Variants in NPAS3 observed in about 807,000 individuals in gnomAD.
NPAS3 encodes neuronal PAS domain protein 3, also known as neuronal PAS domain-containing protein 3.
Under a neutral mutation model 73.1 loss-of-function variants are expected in NPAS3, and 14 were observed. The observed-to-expected ratio is 0.19, with a 90% CI of 0.13 to 0.30. The LOEUF (loss-of-function observed/expected upper bound fraction) is 0.30, where lower values mean the gene tolerates loss of function less well. Ranked by LOEUF, NPAS3 falls within the 10% of genes least tolerant of loss-of-function variation. NPAS3 has a pLI of 1.00. For synonymous variants in NPAS3, 620 were observed against 541.5 expected (o/e 1.14, Z -2.01); for missense variants, 1,096 against 1,250.0 (o/e 0.88, Z 1.86).
chr14:33,552,080 C>T (rs2055142855), intron 4 of NPAS3, among the ~76,000 whole-genome samples: 1 of 152,196 alleles, frequency 6.6e-6, no homozygotes, highest in South Asian at 2.1e-4. Context: ...TTGTCTCACT[C>T]CCCTTTGTGA....
intron 4 of NPAS3, among the ~76,000 whole-genome samples, chr14:33,501,410 C>A (rs898300196): frequency 1.3e-5 from 2 of 151,812 alleles, no homozygotes; most frequent in Non-Finnish European, 2.9e-5. Context: ...ATCTGTTATT[C>A]TCCTTAATGT....
chr14:33,336,317 G>A (rs1343766723), intron 3 of NPAS3, among the ~76,000 whole-genome samples: 1 of 152,162 alleles, frequency 6.6e-6, no homozygotes, highest in African/African-American at 2.4e-5. Context: ...GCATGGGACT[G>A]CAGTCTCATT....
At chr14:33,417,546 T>C (rs567701417) in intron 4 of NPAS3, among the ~76,000 whole-genome samples, 1 of 152,180 alleles carries the variant, frequency 6.6e-6, no homozygotes, top group African/African-American at 2.4e-5. Context: ...AGAAGAAAGA[T>C]ATGTTTGGAT....
intron 3 of NPAS3, among the ~76,000 whole-genome samples, chr14:33,243,665 G>A (rs955301226): frequency 6.6e-6 from 1 of 151,976 alleles, no homozygotes; most frequent in Admixed American, 6.6e-5. Flanking sequence ...GGGAAAGCTA[G>A]CACAGAACAT....
intron 4 of NPAS3, among the ~76,000 whole-genome samples, chr14:33,402,928 G>A (rs1052290794): frequency 1.8e-4 from 27 of 152,132 alleles, no homozygotes; most frequent in Admixed American, 1.4e-3. Context: ...ATATGTGGGA[G>A]AGAGTCCCTA....
chr14:33,194,592 A>T (rs8003463), intron 2 of NPAS3, among the ~76,000 whole-genome samples: 151,676 of 152,338 alleles, frequency 1, 75,535 homozygotes, highest in Middle Eastern at 1. Context: ...TATAGTAATT[A>T]CAGATATTAT....
In NPAS3 at chr14:33,313,860, T is replaced by A. The variant is rs547276530; in HGVS notation, c.386-53326T>A. Among the ~76,000 whole-genome samples the A allele has an allele frequency of 2.0e-5, 3 of 152,210 alleles. No homozygotes were observed. In the South Asian group the frequency reaches 6.2e-4, roughly 32 times the overall value. ...ACATATTTTTATTTAAGCATCCCTTTTGGTCACACTGCTAAGTGTTTTTTT... is the reference window on the plus strand; with the variant it reads ...ACATATTTTTATTTAAGCATCCCTTATGGTCACACTGCTAAGTGTTTTTTT... On this transcript the variant is annotated intron_variant, in intron 3 of 11. Transcript: ENST00000356141.
intron 4 of NPAS3, among the ~76,000 whole-genome samples, chr14:33,402,056 A>G (rs2047468501): frequency 6.6e-6 from 1 of 152,136 alleles, no homozygotes; most frequent in African/African-American, 2.4e-5. Context: ...TTGAAAATCC[A>G]TGGCCATTTT....
intron 4 of NPAS3, among the ~76,000 whole-genome samples, chr14:33,388,021 G>T (rs1260168350): frequency 2.6e-5 from 4 of 152,162 alleles, no homozygotes; most frequent in African/African-American, 9.7e-5. Flanking sequence ...AGAATGAGAG[G>T]AGGTGCCATA....
chr14:33,058,983 G>T (rs1003896716), intron 2 of NPAS3, among the ~76,000 whole-genome samples: 1 of 152,238 alleles, frequency 6.6e-6, no homozygotes, highest in Non-Finnish European at 1.5e-5. Context: ...CATATTCAGG[G>T]ATGTGCTAGA....
At chr14:33,044,659 T>TG (rs1425054077) in intron 1 of NPAS3, among the ~76,000 whole-genome samples, 3 of 152,006 alleles carry the variant, frequency 2.0e-5, no homozygotes, top group Admixed American at 6.6e-5. Context: ...AGTTTGTTTT[T>TG]TTTTTTTTTG....
At chr14:33,708,864 T>C (rs1014527228) in intron 6 of NPAS3, among the ~76,000 whole-genome samples, 15 of 152,184 alleles carry the variant, frequency 9.9e-5, no homozygotes, top group African/African-American at 3.4e-4. Flanking sequence ...TGTGTGGGTC[T>C]TTGGTAGGAT....
chr14:33,515,101 G>A (rs1011436795), intron 4 of NPAS3, among the ~76,000 whole-genome samples: 7 of 152,076 alleles, frequency 4.6e-5, no homozygotes, highest in Non-Finnish European at 1.0e-4. Context: ...GCTCTGTCGA[G>A]CCAATTATTC....
At chr14:33,626,928 A>G (rs1447323508) in intron 5 of NPAS3, among the ~76,000 whole-genome samples, 2 of 152,186 alleles carry the variant, frequency 1.3e-5, no homozygotes, top group East Asian at 1.9e-4. Context: ...TAAGGGTACT[A>G]TACTCAAAAC....
At chr14:33,290,990 A>G (rs2042076718) in intron 3 of NPAS3, among the ~76,000 whole-genome samples, 1 of 151,874 alleles carries the variant, frequency 6.6e-6, no homozygotes, top group Non-Finnish European at 1.5e-5. Flanking sequence ...TTTATGAATC[A>G]GATGGCAAGT....
chr14:33,791,359 C>G (rs957283241), intron 9 of NPAS3, among the ~76,000 whole-genome samples: 1 of 152,226 alleles, frequency 6.6e-6, no homozygotes, highest in Admixed American at 6.5e-5. Context: ...TAGCTCTCCT[C>G]TCTTGCTAGC....
chr14:33,557,919 C>A (rs973295183), intron 4 of NPAS3, among the ~76,000 whole-genome samples: 1 of 152,104 alleles, frequency 6.6e-6, no homozygotes, highest in Non-Finnish European at 1.5e-5. Flanking sequence ...CAGTGAGCTG[C>A]GGTCTCGCTA....
chr14:33,507,300 T>G (rs1323290904), intron 4 of NPAS3, among the ~76,000 whole-genome samples: 1 of 152,082 alleles, frequency 6.6e-6, no homozygotes, highest in Admixed American at 6.6e-5. Flanking sequence ...TTTTCCTTTA[T>G]GTTTCTAGTA....
At chr14:33,151,356 T>C (rs1595557861) in intron 2 of NPAS3, among the ~76,000 whole-genome samples, 1 of 152,222 alleles carries the variant, frequency 6.6e-6, no homozygotes, top group Non-Finnish European at 1.5e-5. Flanking sequence ...AGTAAGATCT[T>C]CATGTGGTTA....
Sources: gnomAD v4.1 joint callset for allele counts (sites outside exome capture counted in the v4.1 genomes callset) on GRCh38, gnomAD v4.1.1 for gene constraint, MANE v1.5 for transcripts, NCBI Gene and HGNC (gene_info 2026-07-23, HGNC 2026-07-21) for gene names.